Variants in PIK3C2G observed in about 807,000 individuals in gnomAD.
The protein encoded by PIK3C2G is phosphatidylinositol 3-kinase C2 domain-containing subunit gamma.
Under a neutral mutation model 181.1 loss-of-function variants are expected in PIK3C2G, and 168 were observed. The ratio of observed to expected loss-of-function variants is 0.93; its 90% confidence interval spans 0.82 to 1.05. The LOEUF is 1.05. Ranked by LOEUF, PIK3C2G falls within the 50% of genes least tolerant of loss-of-function variation. PIK3C2G has a pLI of 0.00. For synonymous variants in PIK3C2G, 573 were observed against 592.2 expected (o/e 0.97, Z 0.47); for missense variants, 1,869 against 1,732.8 (o/e 1.08, Z -1.40).
chr12:18,376,655 T>C (rs1264748953), intron 13 of PIK3C2G, among the ~76,000 whole-genome samples: 1 of 152,186 alleles, frequency 6.6e-6, no homozygotes, highest in Non-Finnish European at 1.5e-5. Flanking sequence ...TTCCTCCAAA[T>C]CTTGTGCTGA....
intron 7 of PIK3C2G, among the ~76,000 whole-genome samples, chr12:18,322,930 AGAGAGAAAGG>A (rs1339661379): frequency 6.6e-6 from 1 of 152,210 alleles, no homozygotes; most frequent in African/African-American, 2.4e-5. Context: ...TGGGGGGAAC[AGAGAGAAAGG>A]GAGAGAAACA....
chr12:18,640,380 T>G (rs1949786004), intron 31 of PIK3C2G, 49 bp from the exon 32 acceptor site: 1 of 1,549,918 alleles, frequency 6.5e-7, no homozygotes, highest in African/African-American at 1.4e-5. Context: ...TGTATTTGTT[T>G]TCTTTGATAG....
chr12:18,560,285 T>C (rs1215856797), intron 26 of PIK3C2G, among the ~76,000 whole-genome samples: 1 of 151,726 alleles, frequency 6.6e-6, no homozygotes, highest in African/African-American at 2.4e-5. Context: ...TATAGAATTA[T>C]AACAAGAAAA....
At chr12:18,384,377 G>A (rs1251726909) in intron 14 of PIK3C2G, among the ~76,000 whole-genome samples, 1 of 152,272 alleles carries the variant, frequency 6.6e-6, no homozygotes, top group African/African-American at 2.4e-5. Flanking sequence ...AACTCAGTTT[G>A]AGATACCTTG....
the PIK3C2G span, among the ~76,000 whole-genome samples, chr12:18,664,350 T>A: frequency 6.6e-6 from 1 of 152,170 alleles, no homozygotes; most frequent in Admixed American, 6.5e-5. Context: ...TTGTTCTCAA[T>A]AGCTTGGGGA....
upstream of PIK3C2G, among the ~76,000 whole-genome samples, chr12:18,259,642 A>G (rs1249138371): frequency 6.6e-6 from 1 of 152,176 alleles, no homozygotes; most frequent in Non-Finnish European, 1.5e-5. Flanking sequence ...AAGTTTTAGA[A>G]GGCTGTTCAC....
chr12:18,382,340 C>CT (rs1383999208), intron 14 of PIK3C2G, among the ~76,000 whole-genome samples: 3 of 152,192 alleles, frequency 2.0e-5, no homozygotes, highest in African/African-American at 4.8e-5. Context: ...AATTATCCTT[C>CT]TTTTTTTCTT....
At chr12:18,594,085 G>C (rs1947226574) in intron 29 of PIK3C2G, among the ~76,000 whole-genome samples, 1 of 151,902 alleles carries the variant, frequency 6.6e-6, no homozygotes, top group Non-Finnish European at 1.5e-5. Flanking sequence ...ACCTTGAGTA[G>C]TAGTGGTTAC....
chr12:18,532,900 T>A (rs1408848856), intron 24 of PIK3C2G, among the ~76,000 whole-genome samples: 3 of 151,462 alleles, frequency 2.0e-5, no homozygotes, highest in Admixed American at 2.0e-4. Flanking sequence ...TTTTTTTTTT[T>A]TCAGCTGCCC....
chr12:18,672,918 C>G, the PIK3C2G span, among the ~76,000 whole-genome samples: 2 of 152,144 alleles, frequency 1.3e-5, no homozygotes, highest in Non-Finnish European at 2.9e-5. Context: ...GAGAAAATGT[C>G]TGGCTCAGGT....
intron 15 of PIK3C2G, among the ~76,000 whole-genome samples, chr12:18,396,172 TTTTATATATAAGCA>T (rs1038561226): frequency 3.3e-5 from 5 of 151,768 alleles, no homozygotes; most frequent in Non-Finnish European, 7.4e-5. Context: ...AGCAATTAGA[TTTTATATATAAGCA>T]TTTATATATA....
chr12:18,594,448 CAAATATAAG>C (rs1396421505), intron 29 of PIK3C2G, 37 bp from the exon 30 acceptor site: 15 of 1,180,326 alleles, frequency 1.3e-5, no homozygotes, highest in Non-Finnish European at 1.8e-5. Flanking sequence ...ATAGCAGTAA[CAAATATAAG>C]AAATAAAGAA....
At chr12:18,397,281 T>C (rs764750842) in intron 15 of PIK3C2G, among the ~76,000 whole-genome samples, 6 of 151,932 alleles carry the variant, frequency 3.9e-5, no homozygotes, top group Non-Finnish European at 8.8e-5. Flanking sequence ...AAGAAAGTAA[T>C]AACTATTTAA....
At chr12:18,653,888 T>A in the PIK3C2G span, among the ~76,000 whole-genome samples, 1 of 152,086 alleles carries the variant, frequency 6.6e-6, no homozygotes, top group African/African-American at 2.4e-5. Context: ...CTGAGATTAT[T>A]GCATGCCCCA....
chr12:18,692,554 C>T, the PIK3C2G span, among the ~76,000 whole-genome samples: 4 of 151,912 alleles, frequency 2.6e-5, no homozygotes, highest in African/African-American at 9.7e-5. Context: ...AATAATAAGA[C>T]GAGAGTCTGG....
At chr12:18,497,108 A>G (rs960023470) in intron 21 of PIK3C2G, among the ~76,000 whole-genome samples, 1 of 152,172 alleles carries the variant, frequency 6.6e-6, no homozygotes, top group Non-Finnish European at 1.5e-5. Flanking sequence ...CCTTTTAACT[A>G]TCTTCAAAAT....
chr12:18,465,306 T>C (rs1194670008), intron 18 of PIK3C2G, among the ~76,000 whole-genome samples: 11 of 151,944 alleles, frequency 7.2e-5, no homozygotes, highest in Admixed American at 7.2e-4. Flanking sequence ...TTATATGTTA[T>C]TGGTGTTAGG....
chr12:18,338,311 A>C, intron 8 of PIK3C2G, 115 bp from the exon 9 acceptor site: 2 of 793,970 alleles, frequency 2.5e-6, no homozygotes, highest in Non-Finnish European at 2.0e-6. Flanking sequence ...TGTGAAAGCA[A>C]ACAAGCATAT....
chr12:18,701,031 T>A, the PIK3C2G span, among the ~76,000 whole-genome samples: 1 of 151,692 alleles, frequency 6.6e-6, no homozygotes, highest in African/African-American at 2.4e-5. Context: ...GTTGCCCAGG[T>A]TGGAGTGCAA....
Sources: allele counts gnomAD v4.1 joint callset (sites outside exome capture counted in the v4.1 genomes callset), GRCh38; gene constraint gnomAD v4.1.1; transcripts MANE v1.5; gene names NCBI Gene and HGNC (gene_info 2026-07-23, HGNC 2026-07-21).